BMPER: variants seen among roughly 807,000 people sequenced by gnomAD.
The protein encoded by BMPER is BMP binding endothelial regulator, also known as BMP-binding endothelial regulator protein.
Under a neutral mutation model 87.3 loss-of-function variants are expected in BMPER, and 45 were observed. The observed-to-expected ratio is 0.52, with a 90% confidence interval of 0.41 to 0.66. BMPER has a LOEUF of 0.66. Ranked by LOEUF, BMPER falls within the 30% of genes least tolerant of loss-of-function variation. BMPER has a pLI of 0.00. For synonymous variants in BMPER, 326 were observed against 316.2 expected (o/e 1.03, Z -0.33); for missense variants, 784 against 867.5 (o/e 0.90, Z 1.21).
intron 6 of BMPER, among the ~76,000 whole-genome samples, chr7:34,031,980 T>C (rs1179461098): frequency 8.7e-6 from 1 of 115,326 alleles, no homozygotes; most frequent in Non-Finnish European, 1.7e-5. Context: ...AAATATATCT[T>C]ATATATAAAT....
intron 6 of BMPER, among the ~76,000 whole-genome samples, chr7:33,995,102 T>C (rs1786366733): frequency 6.6e-6 from 1 of 152,222 alleles, no homozygotes. Flanking sequence ...TGCAGTCATA[T>C]ACATTTTTAA....
intron 10 of BMPER, among the ~76,000 whole-genome samples, chr7:34,059,965 G>GA (rs1788392549): frequency 6.6e-6 from 1 of 152,090 alleles, no homozygotes; most frequent in Non-Finnish European, 1.5e-5. Context: ...CTGAAGTGGG[G>GA]ACTGGGTCAT....
intron 2 of BMPER, among the ~76,000 whole-genome samples, chr7:33,919,528 AGTG>A (rs1274859464): frequency 2.0e-5 from 3 of 152,200 alleles, no homozygotes; most frequent in Non-Finnish European, 4.4e-5. Context: ...GTGGTGGGAC[AGTG>A]GTGGAGGGAG....
intron 13 of BMPER, among the ~76,000 whole-genome samples, chr7:34,129,528 C>T (rs1440822248): frequency 7.0e-6 from 1 of 142,946 alleles, no homozygotes; most frequent in Non-Finnish European, 1.5e-5. Context: ...CAGAGCGAGA[C>T]GCTGTCTCAA....
At chr7:34,129,610 A>AAGAG (rs1159641741) in intron 13 of BMPER, among the ~76,000 whole-genome samples, 2 of 69,644 alleles carry the variant, frequency 2.9e-5, no homozygotes, top group Non-Finnish European at 5.9e-5. Flanking sequence ...GAGAGAGAGA[A>AAGAG]AGAGAGAGAG....
intron 3 of BMPER, among the ~76,000 whole-genome samples, chr7:33,954,509 C>T (rs554838542): frequency 1.3e-5 from 2 of 152,186 alleles, no homozygotes; most frequent in Non-Finnish European, 1.5e-5. Context: ...AATCAGAATG[C>T]ATTTCAAAGT....
intron 3 of BMPER, among the ~76,000 whole-genome samples, chr7:33,950,717 G>A (rs1380911520): frequency 6.6e-6 from 1 of 152,072 alleles, no homozygotes; most frequent in Admixed American, 6.6e-5. Context: ...GCCTAATCAC[G>A]GGAGTGACAT....
chr7:34,070,799 T>C (rs1788717103), intron 11 of BMPER, among the ~76,000 whole-genome samples: 1 of 150,784 alleles, frequency 6.6e-6, no homozygotes, highest in South Asian at 2.1e-4. Flanking sequence ...CCTCCCAAAC[T>C]AATTTGAGCG....
intron 11 of BMPER, among the ~76,000 whole-genome samples, chr7:34,077,109 C>T (rs1210008438): frequency 1.3e-5 from 2 of 152,152 alleles, no homozygotes; most frequent in East Asian, 1.9e-4. Context: ...CAAAGAACTG[C>T]CTTGTTCTCC....
chr7:34,083,100 G>A (rs1307012550), intron 12 of BMPER, among the ~76,000 whole-genome samples: 1 of 152,180 alleles, frequency 6.6e-6, no homozygotes, highest in Admixed American at 6.5e-5. Flanking sequence ...AACTCACAAT[G>A]TCTTTGGCTT....
intron 13 of BMPER, among the ~76,000 whole-genome samples, chr7:34,117,442 C>T (rs1490419761): frequency 2.0e-5 from 3 of 152,072 alleles, no homozygotes; most frequent in African/African-American, 7.2e-5. Flanking sequence ...TTGTCCCAGG[C>T]CCCTTCTGGG....
chr7:34,134,562 C>T (rs1790672704), intron 13 of BMPER, among the ~76,000 whole-genome samples: 1 of 152,092 alleles, frequency 6.6e-6, no homozygotes, highest in South Asian at 2.1e-4. Flanking sequence ...GTGTTTCCTA[C>T]TTGAGCAAAG....
intron 13 of BMPER, among the ~76,000 whole-genome samples, chr7:34,088,799 C>T (rs1789291627): frequency 6.6e-6 from 1 of 152,136 alleles, no homozygotes. Flanking sequence ...TCACCGTTTA[C>T]CTTTCTGATT....
chr7:34,126,321 AG>A (rs1377670954), intron 13 of BMPER, among the ~76,000 whole-genome samples: 1 of 152,252 alleles, frequency 6.6e-6, no homozygotes, highest in Non-Finnish European at 1.5e-5. Flanking sequence ...GGTGTAAAGC[AG>A]GAAGAGCGTA....
At chr7:34,078,423 T>G (rs1788922906) in intron 11 of BMPER, among the ~76,000 whole-genome samples, 1 of 152,238 alleles carries the variant, frequency 6.6e-6, no homozygotes. Flanking sequence ...TTTCTAATTT[T>G]TTTGAATTAG....
At chr7:34,128,977 C>T (rs1365783971) in intron 13 of BMPER, among the ~76,000 whole-genome samples, 1 of 152,108 alleles carries the variant, frequency 6.6e-6, no homozygotes, top group Non-Finnish European at 1.5e-5. Flanking sequence ...TGTGAGTCAT[C>T]CGGCCTGTTG....
chr7:33,936,886 A>G (rs1784615632), intron 2 of BMPER, among the ~76,000 whole-genome samples: 1 of 152,206 alleles, frequency 6.6e-6, no homozygotes. Context: ...GCCATGTGAA[A>G]ATATTTTTGT....
intron 13 of BMPER, among the ~76,000 whole-genome samples, chr7:34,133,049 C>T (rs2127992068): frequency 6.6e-6 from 1 of 152,194 alleles, no homozygotes; most frequent in Non-Finnish European, 1.5e-5. Flanking sequence ...CAATTAATTT[C>T]CTGAATGGTA....
chr7:34,109,020 T>C (rs9655014), intron 13 of BMPER, among the ~76,000 whole-genome samples: 89,723 of 152,038 alleles, frequency 0.59, 26,976 homozygotes, highest in East Asian at 0.85. Flanking sequence ...AAAAGAGATT[T>C]CTTATAAGGA....
Sources: gnomAD v4.1 joint callset for allele counts (sites outside exome capture counted in the v4.1 genomes callset) on GRCh38, gnomAD v4.1.1 for gene constraint, MANE v1.5 for transcripts, NCBI Gene and HGNC (gene_info 2026-07-23, HGNC 2026-07-21) for gene names.